The following PLEKHM3 variants were observed in gnomAD, a reference collection of about 807,000 sequenced individuals.
PLEKHM3 encodes the protein pleckstrin homology domain containing M3, also known as pleckstrin homology domain-containing family M member 3.
In PLEKHM3, 45 loss-of-function variants were observed where a neutral mutation model predicts 81.8. That is an observed-to-expected ratio of 0.55 (90% CI 0.43 to 0.71). PLEKHM3 has a LOEUF of 0.71. Among genes scored for constraint, PLEKHM3 ranks in the 30% least tolerant of loss-of-function variants. PLEKHM3 has a pLI of 0.00. For synonymous variants in PLEKHM3, 352 were observed against 356.4 expected, an observed-to-expected ratio of 0.99 and a Z score of 0.14; for missense variants, 788 against 924.3, an observed-to-expected ratio of 0.85 and a Z score of 1.91.
At chr2:207,979,680 C>A (rs996432076) in intron 2 of PLEKHM3, among the ~76,000 whole-genome samples, 1 of 152,140 alleles carries the variant, frequency 6.6e-6, no homozygotes, top group Non-Finnish European at 1.5e-5. Flanking sequence ...CTAATTGAGA[C>A]ATTCCCTAAA....
chr2:207,886,295 CAAG>C (rs1447668859), intron 6 of PLEKHM3, among the ~76,000 whole-genome samples: 3 of 152,128 alleles, frequency 2.0e-5, no homozygotes, highest in East Asian at 3.9e-4. Flanking sequence ...GGGATTCCAA[CAAG>C]AAGGAGAAAG....
chr2:207,834,024 A>G (rs2092303314), intron 7 of PLEKHM3, among the ~76,000 whole-genome samples: 1 of 152,204 alleles, frequency 6.6e-6, no homozygotes, highest in Non-Finnish European at 1.5e-5. Context: ...CTTTTGCACC[A>G]ACCTAAATGG....
At chr2:207,938,673 C>T (rs778516143) in intron 4 of PLEKHM3, among the ~76,000 whole-genome samples, 2 of 152,252 alleles carry the variant, frequency 1.3e-5, no homozygotes, top group African/African-American at 2.4e-5. Context: ...ACCAGGTCCA[C>T]TTTTGCTTTA....
rs571395428 is a variant in PLEKHM3 at position 207,827,350 on chromosome 2, G to C, written c.*969C>G. 1 of 152,140 alleles carries C rather than the reference G, an allele frequency of 6.6e-6. No individual in the cohort carries two copies. Among genetic ancestry groups the C allele is most frequent in the Admixed American group, 6.5e-5 (1 of 15,278 alleles). The allele number at this position is 152,140 out of a possible 1,614,324, so 9.4% of individuals were successfully genotyped here. ...GGATTCTGAGAAAAGAAACTAAAAC[G>C]ACCCTCTTTGGGAATATACTTACTA... On this transcript the variant is annotated 3_prime_UTR_variant, in exon 8 of 8. Coordinates refer to ENST00000427836, the MANE Select transcript of PLEKHM3 (RefSeq NM_001080475.3).
intron 1 of PLEKHM3, among the ~76,000 whole-genome samples, chr2:208,008,154 C>T (rs1692560471): frequency 6.6e-6 from 1 of 152,024 alleles, no homozygotes; most frequent in South Asian, 2.1e-4. Flanking sequence ...AAGAGGATCC[C>T]TTGAGCCCAG....
intron 2 of PLEKHM3, among the ~76,000 whole-genome samples, chr2:208,000,060 TGAGA>T (rs1266285936): frequency 1.3e-5 from 2 of 152,158 alleles, no homozygotes; most frequent in East Asian, 1.9e-4. Context: ...GGGAAAATGG[TGAGA>T]GAGTTTGTTG....
At chr2:207,830,965 C>T (rs1273925906) in intron 7 of PLEKHM3, among the ~76,000 whole-genome samples, 5 of 152,226 alleles carry the variant, frequency 3.3e-5, no homozygotes, top group Non-Finnish European at 7.3e-5. Flanking sequence ...ACGCAAGTCA[C>T]GTCGCCTTTC....
intron 6 of PLEKHM3, among the ~76,000 whole-genome samples, chr2:207,904,451 T>C (rs1355211100): frequency 1.3e-5 from 2 of 152,220 alleles, no homozygotes; most frequent in African/African-American, 4.8e-5. Context: ...CGCTACCAAC[T>C]GACTGTATGT....
chr2:207,862,873 T>C (rs889355536), intron 6 of PLEKHM3, among the ~76,000 whole-genome samples: 5 of 152,162 alleles, frequency 3.3e-5, no homozygotes, highest in Admixed American at 6.5e-5. Context: ...TAGAAATAAA[T>C]ATAATGGTGG....
intron 2 of PLEKHM3, among the ~76,000 whole-genome samples, chr2:207,989,565 A>G (rs1691831217): frequency 6.6e-6 from 1 of 152,022 alleles, no homozygotes; most frequent in South Asian, 2.1e-4. Flanking sequence ...CCACTATCAC[A>G]CTAATCTGAG....
chr2:207,919,641 A>T (rs1689116623), intron 5 of PLEKHM3, among the ~76,000 whole-genome samples: 1 of 152,178 alleles, frequency 6.6e-6, no homozygotes, highest in Admixed American at 6.6e-5. Context: ...GATGCCATGA[A>T]GCAAGATGGG....
At chr2:208,020,490 T>G (rs1179698004) in intron 1 of PLEKHM3, among the ~76,000 whole-genome samples, 1 of 152,220 alleles carries the variant, frequency 6.6e-6, no homozygotes, top group African/African-American at 2.4e-5. Context: ...GAAGGCAAAT[T>G]ATGCATGTTT....
intron 3 of PLEKHM3, among the ~76,000 whole-genome samples, chr2:207,973,665 G>C (rs570568000): frequency 6.6e-6 from 1 of 152,260 alleles, no homozygotes; most frequent in African/African-American, 2.4e-5. Context: ...CTTGAACCCA[G>C]GAGGCGGAGG....
chr2:207,950,353 A>G (rs986398726), intron 3 of PLEKHM3, among the ~76,000 whole-genome samples: 10 of 152,212 alleles, frequency 6.6e-5, no homozygotes, highest in African/African-American at 2.2e-4. Flanking sequence ...CCTAGGCACC[A>G]CTGTGACCCT....
chr2:207,954,660 A>G (rs778189375), intron 3 of PLEKHM3, among the ~76,000 whole-genome samples: 3 of 152,234 alleles, frequency 2.0e-5, no homozygotes, highest in Non-Finnish European at 4.4e-5. Flanking sequence ...GCAATTCTAT[A>G]AGCTATTAAG....
chr2:207,922,578 C>T (rs1475199341), intron 5 of PLEKHM3, among the ~76,000 whole-genome samples: 12 of 151,786 alleles, frequency 7.9e-5, no homozygotes, highest in Non-Finnish European at 4.4e-5. Context: ...TTTGGGAGGC[C>T]GAGGCGGGCG....
intron 1 of PLEKHM3, among the ~76,000 whole-genome samples, chr2:208,002,920 A>C (rs533923761): frequency 3.9e-5 from 6 of 152,148 alleles, no homozygotes; most frequent in Admixed American, 3.9e-4. Flanking sequence ...AAAAAAAAAA[A>C]ACAAATAAAA....
In PLEKHM3 at chr2:207,822,972, A is replaced by C. The variant is rs898010440; in HGVS notation, c.*5347T>G. The C allele has an allele frequency of 4.6e-5, 7 of 152,392 alleles. No homozygotes were observed. The highest frequency in any genetic ancestry group is 2.1e-4 in the South Asian group (1 of 4,836). 9.4% of individuals were successfully genotyped at this position (152,392 alleles called of 1,614,324 possible). ...TCAGAACTAGGGGCAAGGAAGATCC[A>C]GGGAAAAGAGAGAGGCTGGTTTGCA... is the stretch of plus-strand genomic sequence containing the variant. On this transcript the variant is annotated 3_prime_UTR_variant, in exon 8 of 8. Coordinates refer to ENST00000427836, the MANE Select transcript of PLEKHM3 (RefSeq NM_001080475.3).
chr2:207,999,679 G>A (rs1367079160), intron 2 of PLEKHM3, among the ~76,000 whole-genome samples: 1 of 152,130 alleles, frequency 6.6e-6, no homozygotes, highest in Non-Finnish European at 1.5e-5. Context: ...ACTACCCTTG[G>A]CTAGATGTAA....
Sources: gnomAD v4.1 joint callset for allele counts (sites outside exome capture counted in the v4.1 genomes callset) on GRCh38, gnomAD v4.1.1 for gene constraint, MANE v1.5 for transcripts, NCBI Gene and HGNC (gene_info 2026-07-23, HGNC 2026-07-21) for gene names.